Variants in GMDS observed in about 807,000 individuals in gnomAD.
GMDS encodes GDP-mannose 4,6 dehydratase.
In GMDS, 20 loss-of-function variants were observed where a neutral mutation model predicts 49.9. The observed-to-expected ratio is 0.40, with a 90% CI of 0.28 to 0.58. The LOEUF is 0.58. GMDS is among the 20% of genes least tolerant of loss of function. The probability of loss-of-function intolerance (pLI) is 0.42; values close to 1 mark genes in which losing one functional copy is unlikely to be tolerated. For synonymous variants in GMDS, 177 were observed against 178.6 expected, an observed-to-expected ratio of 0.99 and a Z score of 0.07; for missense variants, 362 against 481.4, an observed-to-expected ratio of 0.75 and a Z score of 2.32.
chr6:1,648,925 C>T (rs564660881), intron 9 of GMDS, among the ~76,000 whole-genome samples: 6 of 152,280 alleles, frequency 3.9e-5, no homozygotes, highest in African/African-American at 1.2e-4. Context: ...CTCCACATTT[C>T]CAGATATAAT....
intron 7 of GMDS, among the ~76,000 whole-genome samples, chr6:1,827,518 C>A (rs995490161): frequency 6.6e-6 from 1 of 151,860 alleles, no homozygotes; most frequent in Admixed American, 6.6e-5. Flanking sequence ...TTGGAAAAGT[C>A]CTAAGGTAGA....
chr6:2,005,940 T>C (rs1581503135), intron 4 of GMDS, among the ~76,000 whole-genome samples: 1 of 152,296 alleles, frequency 6.6e-6, no homozygotes, highest in East Asian at 1.9e-4. Context: ...GTGTTCCCAA[T>C]GTCTGTCTCT....
intron 4 of GMDS, among the ~76,000 whole-genome samples, chr6:2,085,389 A>G (rs1021260586): frequency 2.6e-5 from 4 of 152,194 alleles, no homozygotes; most frequent in Admixed American, 2.0e-4. Context: ...CACTAAGTAA[A>G]TAACTCTGAT....
intron 9 of GMDS, among the ~76,000 whole-genome samples, chr6:1,674,556 C>CTT (rs1764539978): frequency 2.3e-5 from 2 of 85,280 alleles, no homozygotes; most frequent in African/African-American, 3.7e-5. Flanking sequence ...CTCTCTCTCT[C>CTT]TCTCTTTTTT....
chr6:2,039,671 T>C (rs572373228), intron 4 of GMDS, among the ~76,000 whole-genome samples: 1 of 152,238 alleles, frequency 6.6e-6, no homozygotes, highest in African/African-American at 2.4e-5. Flanking sequence ...TCAATATCAC[T>C]GTCTGTTACC....
intron 9 of GMDS, among the ~76,000 whole-genome samples, chr6:1,672,149 T>G (rs1764452593): frequency 6.6e-6 from 1 of 152,106 alleles, no homozygotes; most frequent in South Asian, 2.1e-4. Context: ...GACAACTACA[T>G]TTGGGTCTGG....
intron 4 of GMDS, among the ~76,000 whole-genome samples, chr6:2,058,827 A>G (rs1770935320): frequency 2.0e-5 from 3 of 152,184 alleles, no homozygotes; most frequent in Admixed American, 2.0e-4. Flanking sequence ...CATCCATCAC[A>G]CACTTCAAAG....
At chr6:2,002,676 A>G (rs530873074) in intron 4 of GMDS, among the ~76,000 whole-genome samples, 2 of 152,334 alleles carry the variant, frequency 1.3e-5, no homozygotes, top group South Asian at 4.1e-4. Flanking sequence ...ATCAGAGATA[A>G]GCATGATAGA....
chr6:2,112,561 C>T (rs1774608470), intron 4 of GMDS, among the ~76,000 whole-genome samples: 1 of 152,174 alleles, frequency 6.6e-6, no homozygotes, highest in Non-Finnish European at 1.5e-5. Flanking sequence ...TGGCAACCCA[C>T]AAATGATGCT....
chr6:2,119,524 T>C (rs1775025071), intron 2 of GMDS, among the ~76,000 whole-genome samples: 1 of 152,218 alleles, frequency 6.6e-6, no homozygotes, highest in East Asian at 1.9e-4. Context: ...GCTGGGTCTG[T>C]CTGCTTCTGA....
chr6:1,652,698 TTATA>T (rs57897372), intron 9 of GMDS, among the ~76,000 whole-genome samples: 210 of 1,892 alleles, frequency 0.11, 73 homozygotes, highest in African/African-American at 0.17. Context: ...ATATAATATA[TTATA>T]TATATATATA....
At chr6:2,018,835 C>T (rs544433594) in intron 4 of GMDS, among the ~76,000 whole-genome samples, 85 of 152,048 alleles carry the variant, frequency 5.6e-4, no homozygotes, top group South Asian at 3.3e-3. Context: ...ATTTTAATTT[C>T]TTTGGGGTAT....
Position 1,692,241 on chromosome 6 carries a change from C to T in GMDS, c.987+34175G>A, listed in dbSNP as rs572646215. ...GAAGGCTGCACTATAGGCTTCCCTG[C>T]TTTTAAGGTTTTGGGACTCGGACTG... On this transcript the variant is annotated intron_variant, in intron 9 of 10. Coordinates refer to ENST00000380815, the MANE Select transcript of GMDS (RefSeq NM_001500.4). Among the ~76,000 whole-genome samples the T allele has an allele frequency of 7.2e-5, 11 of 152,330 alleles. No homozygotes were observed. In the South Asian group the frequency reaches 1.9e-3, roughly 26 times the overall value.
intron 4 of GMDS, among the ~76,000 whole-genome samples, chr6:2,053,962 T>C (rs1308293032): frequency 6.6e-6 from 1 of 152,056 alleles, no homozygotes; most frequent in Admixed American, 6.6e-5. Flanking sequence ...GGTCAAATGT[T>C]TCAATATATA....
intron 1 of GMDS, among the ~76,000 whole-genome samples, chr6:2,201,905 G>A (rs1354603068): frequency 9.1e-3 from 443 of 48,848 alleles, no homozygotes; most frequent in Middle Eastern, 0.021. Flanking sequence ...ATGTTAGCAG[G>A]GAGGTGAAGG....
At chr6:2,111,758 A>G (rs755807328) in intron 4 of GMDS, among the ~76,000 whole-genome samples, 1 of 152,244 alleles carries the variant, frequency 6.6e-6, no homozygotes, top group Admixed American at 6.5e-5. Flanking sequence ...ATCTTATGGC[A>G]AACATTACAC....
chr6:1,672,677 C>A (rs1376850402), intron 9 of GMDS, among the ~76,000 whole-genome samples: 1 of 152,228 alleles, frequency 6.6e-6, no homozygotes, highest in Non-Finnish European at 1.5e-5. Flanking sequence ...TCATCACCAC[C>A]AGACTGGGTA....
At chr6:2,164,356 C>T (rs964635666) in intron 1 of GMDS, among the ~76,000 whole-genome samples, 1 of 152,168 alleles carries the variant, frequency 6.6e-6, no homozygotes, top group Non-Finnish European at 1.5e-5. Context: ...TGAACCTTCA[C>T]CTTTAGGAGC....
intron 7 of GMDS, among the ~76,000 whole-genome samples, chr6:1,759,687 T>C (rs1445639721): frequency 6.6e-6 from 1 of 152,180 alleles, no homozygotes; most frequent in East Asian, 1.9e-4. Flanking sequence ...AACATTTATA[T>C]AGGAAAAAGC....
Sources: allele counts gnomAD v4.1 joint callset (sites outside exome capture counted in the v4.1 genomes callset), GRCh38; gene constraint gnomAD v4.1.1; transcripts MANE v1.5; gene names NCBI Gene and HGNC (gene_info 2026-07-23, HGNC 2026-07-21).